SPATS2L: variants seen among roughly 807,000 people sequenced by gnomAD.
The protein encoded by SPATS2L is SPATS2-like protein.
A neutral mutation model predicts 59.6 loss-of-function variants in SPATS2L; 30 were observed. The ratio of observed to expected loss-of-function variants is 0.50; its 90% CI spans 0.38 to 0.68. The LOEUF is 0.68. SPATS2L is among the 30% of genes least tolerant of loss of function. SPATS2L has a pLI of 0.00. For synonymous variants in SPATS2L, 252 were observed against 263.5 expected (o/e 0.96, Z 0.42); for missense variants, 615 against 700.0 (o/e 0.88, Z 1.37).
At chr2:200,435,900 T>C (rs1281642437) in intron 6 of SPATS2L, among the ~76,000 whole-genome samples, 1 of 152,186 alleles carries the variant, frequency 6.6e-6, no homozygotes, top group East Asian at 1.9e-4. Flanking sequence ...TTTAACTTAA[T>C]GTATCAAAAA....
intron 2 of SPATS2L, among the ~76,000 whole-genome samples, chr2:200,330,071 C>T (rs2079883950): frequency 6.6e-6 from 1 of 152,198 alleles, no homozygotes; most frequent in Admixed American, 6.5e-5. Context: ...GCAGTCTTCG[C>T]ATGTCACTTA....
intron 2 of SPATS2L, among the ~76,000 whole-genome samples, chr2:200,358,449 G>A (rs1412283599): frequency 2.0e-5 from 3 of 152,206 alleles, no homozygotes; most frequent in Non-Finnish European, 4.4e-5. Flanking sequence ...TAGAAATACA[G>A]TGGAGTTCAC....
Position 200,419,246 on chromosome 2 carries a change from C to G in SPATS2L, c.199-4C>G, listed in dbSNP as rs1435620171. ...ATTATGTTCTCATTTGTTTCTCATT[C>G]TAGAACAATAAAAGAAAAAGAAGCA... On this transcript the variant is annotated splice_polypyrimidine_tract_variant and splice_region_variant and intron_variant, in intron 5 of 12. Coordinates refer to ENST00000409140, the MANE Select transcript of SPATS2L (RefSeq NM_001100423.2). 6.4e-7 allele frequency: 1 copy of G among 1,563,414 alleles called. No individual in the cohort carries two copies. The highest frequency in any genetic ancestry group is 1.2e-5 in the South Asian group (1 of 84,696).
chr2:200,441,599 G>A (rs1400940794), intron 8 of SPATS2L, among the ~76,000 whole-genome samples: 1 of 152,038 alleles, frequency 6.6e-6, no homozygotes, highest in African/African-American at 2.4e-5. Context: ...CTCTCCTGGT[G>A]TCTCCCACAG....
At chr2:200,395,644 G>A (rs2082306154) in intron 3 of SPATS2L, among the ~76,000 whole-genome samples, 1 of 152,144 alleles carries the variant, frequency 6.6e-6, no homozygotes, top group East Asian at 1.9e-4. Context: ...AGCTCTTAAC[G>A]ATATAAACTA....
intron 12 of SPATS2L, 89 bp from the exon 13 acceptor site, chr2:200,477,547 G>C: frequency 1.8e-6 from 1 of 551,570 alleles, no homozygotes; most frequent in Non-Finnish European, 2.6e-6. Flanking sequence ...AAGCTTACCT[G>C]TGGCTTAGAG....
intron 6 of SPATS2L, among the ~76,000 whole-genome samples, chr2:200,435,297 G>A (rs1425598825): frequency 6.6e-6 from 1 of 152,102 alleles, no homozygotes; most frequent in Non-Finnish European, 1.5e-5. Context: ...TAAAAGGAAT[G>A]CTCACGTAAT....
chr2:200,353,102 G>T (rs3754800), intron 2 of SPATS2L, among the ~76,000 whole-genome samples: 115,359 of 152,120 alleles, frequency 0.76, 48,015 homozygotes, highest in South Asian at 0.94. Flanking sequence ...CTCTATCAAG[G>T]ACTTCCTTGA....
At chr2:200,313,130 A>G (rs895632471) in intron 1 of SPATS2L, among the ~76,000 whole-genome samples, 2 of 152,206 alleles carry the variant, frequency 1.3e-5, no homozygotes, top group African/African-American at 4.8e-5. Flanking sequence ...GAGGTAACAC[A>G]TGGTGACACT....
intron 8 of SPATS2L, among the ~76,000 whole-genome samples, chr2:200,454,402 A>G (rs961589372): frequency 6.6e-6 from 1 of 152,174 alleles, no homozygotes; most frequent in African/African-American, 2.4e-5. Context: ...TTGTCACTCA[A>G]TGCCTCCATC....
At chr2:200,452,104 A>G (rs561953389) in intron 8 of SPATS2L, among the ~76,000 whole-genome samples, 5 of 152,246 alleles carry the variant, frequency 3.3e-5, no homozygotes, top group Admixed American at 1.3e-4. Context: ...GGCAGATGTA[A>G]CTTTAAAAGG....
At chr2:200,380,000 T>G (rs1291522023) in intron 2 of SPATS2L, among the ~76,000 whole-genome samples, 1 of 152,160 alleles carries the variant, frequency 6.6e-6, no homozygotes, top group Non-Finnish European at 1.5e-5. Context: ...CAGATCCTTA[T>G]AGGAGCCAGC....
intron 1 of SPATS2L, among the ~76,000 whole-genome samples, chr2:200,320,514 C>G (rs2079527853): frequency 6.6e-6 from 1 of 152,158 alleles, no homozygotes; most frequent in Admixed American, 6.6e-5. Flanking sequence ...ATAGGTGTCA[C>G]TCCAGCACAT....
intron 2 of SPATS2L, among the ~76,000 whole-genome samples, chr2:200,360,572 A>G (rs2081062534): frequency 6.6e-6 from 1 of 152,166 alleles, no homozygotes; most frequent in South Asian, 2.1e-4. Flanking sequence ...GGGGAGAGGA[A>G]GGGGGGTTAC....
intron 2 of SPATS2L, among the ~76,000 whole-genome samples, chr2:200,379,991 A>G (rs2081747030): frequency 6.6e-6 from 1 of 152,186 alleles, no homozygotes; most frequent in Non-Finnish European, 1.5e-5. Flanking sequence ...AATCAGAAGC[A>G]GATCCTTATA....
chr2:200,467,053 G>T (rs56998597), intron 9 of SPATS2L, among the ~76,000 whole-genome samples: 8 of 152,330 alleles, frequency 5.3e-5, no homozygotes, highest in African/African-American at 1.9e-4. Flanking sequence ...GAGTGGGAGT[G>T]TACAGTGAAT....
chr2:200,442,413 C>G (rs1282406509), intron 8 of SPATS2L, among the ~76,000 whole-genome samples: 1 of 152,146 alleles, frequency 6.6e-6, no homozygotes, highest in Non-Finnish European at 1.5e-5. Flanking sequence ...TATGCAGCTA[C>G]CCAGCTCTGC....
intron 2 of SPATS2L, among the ~76,000 whole-genome samples, chr2:200,384,458 A>G (rs1210681526): frequency 1.3e-5 from 2 of 152,088 alleles, no homozygotes; most frequent in Non-Finnish European, 2.9e-5. Flanking sequence ...GATTCATGCC[A>G]TTCTCCTGCC....
chr2:200,406,226 C>G (rs1282038619), intron 3 of SPATS2L, among the ~76,000 whole-genome samples: 6 of 152,132 alleles, frequency 3.9e-5, no homozygotes, highest in African/African-American at 1.4e-4. Flanking sequence ...TCTCAGGCCT[C>G]TCTTCTCCCA....
Sources: allele counts gnomAD v4.1 joint callset (sites outside exome capture counted in the v4.1 genomes callset), GRCh38; gene constraint gnomAD v4.1.1; transcripts MANE v1.5; gene names NCBI Gene and HGNC (gene_info 2026-07-23, HGNC 2026-07-21).